PLOD2: variants seen among roughly 807,000 people sequenced by gnomAD.
The protein encoded by PLOD2 is procollagen-lysine,2-oxoglutarate 5-dioxygenase 2.
A neutral mutation model predicts 101.0 loss-of-function variants in PLOD2; 65 were observed. The ratio of observed to expected loss-of-function variants is 0.64; its 90% CI spans 0.53 to 0.79. PLOD2 has a LOEUF of 0.79. PLOD2 is among the 30% of genes least tolerant of loss of function. PLOD2 has a pLI of 0.00. For synonymous variants in PLOD2, 314 were observed against 302.9 expected (o/e 1.04, Z -0.38); for missense variants, 909 against 914.6 (o/e 0.99, Z 0.08).
intron 4 of PLOD2, 150 bp from the exon 5 acceptor site, chr3:146,106,794 T>C (rs547718891): frequency 1.5e-6 from 1 of 667,970 alleles, no homozygotes; most frequent in Non-Finnish European, 2.7e-6. Context: ...GAAAGAAATA[T>C]GAATTATTGA....
chr3:146,121,312 C>T, intron 2 of PLOD2, 64 bp from the exon 3 acceptor site: 1 of 1,367,268 alleles, frequency 7.3e-7, no homozygotes, highest in South Asian at 1.2e-5. Flanking sequence ...CTATGAAAAA[C>T]TTAAAGACAT....
In PLOD2 at chr3:146,080,864, A is replaced by G. The variant is rs553422542; in HGVS notation, c.1358+874T>C. On this transcript the variant is annotated intron_variant, in intron 12 of 19. Transcript: ENST00000282903. ...TAACAAAAACCTTTATTGTATTTAC[A>G]TCATTCAGATTGAAGCTTTCCACAC... is the stretch of plus-strand genomic sequence containing the variant. Among the ~76,000 whole-genome samples, 14 of 152,298 alleles carry G rather than the reference A, an allele frequency of 9.2e-5. No homozygotes were observed. In the South Asian group the frequency reaches 1.0e-3, roughly 11 times the overall value.
In PLOD2 at chr3:146,070,245, A is replaced by AATC. The variant is rs1440594009; in HGVS notation, c.*471_*472insGAT. On this transcript the variant is annotated 3_prime_UTR_variant, in exon 20 of 20. Transcript: ENST00000282903. ...TGCATAGGTGTTCAGAAAAATACTT[A>AATC]GTTGCATACAAATCCAGTTAGAATC... is the stretch of plus-strand genomic sequence containing the variant. The AATC allele has an allele frequency of 2.0e-5, 3 of 153,818 alleles. No individual in the cohort carries two copies. The highest frequency in any genetic ancestry group is 4.0e-4 in the South Asian group (2 of 4,948). The allele number at this position is 153,818 out of a possible 1,614,324, so 9.5% of individuals were successfully genotyped here.
At chr3:146,148,342 A>G (rs867800951) in intron 1 of PLOD2, among the ~76,000 whole-genome samples, 68 of 135,314 alleles carry the variant, frequency 5.0e-4, no homozygotes, top group South Asian at 1.2e-3. Flanking sequence ...AGGCACGCAC[A>G]CACACACACA....
At chr3:146,083,949 T>A (rs1338033075) in intron 11 of PLOD2, among the ~76,000 whole-genome samples, 1 of 151,950 alleles carries the variant, frequency 6.6e-6, no homozygotes, top group Non-Finnish European at 1.5e-5. Context: ...AAATACATAG[T>A]GTAAATTCAT....
intron 1 of PLOD2, among the ~76,000 whole-genome samples, chr3:146,144,015 C>CTG (rs1409183650): frequency 6.6e-6 from 1 of 152,040 alleles, no homozygotes; most frequent in Admixed American, 6.6e-5. Flanking sequence ...AGCGTTTATA[C>CTG]TGTGGTCCCC....
rs146716363 is a variant in PLOD2 at position 146,118,852 on chromosome 3, A to G, written c.338+2260T>C. On this transcript the variant is annotated intron_variant, in intron 3 of 19. Transcript: ENST00000282903. ...TCTTCTGTTTAACCAGAATCCATTAAGTTACCCGTCTCAATAGTAAAGCTC... is the reference window on the plus strand; with the variant it reads ...TCTTCTGTTTAACCAGAATCCATTAGGTTACCCGTCTCAATAGTAAAGCTC... Among the ~76,000 whole-genome samples the G allele has an allele frequency of 4.1e-3, 621 of 152,264 alleles. 8 individuals are homozygous for G. Among genetic ancestry groups the G allele is most frequent in the African/African-American group, 0.014 (600 of 41,562 alleles).
At chr3:146,130,645 T>A (rs1193678614) in intron 1 of PLOD2, among the ~76,000 whole-genome samples, 2 of 152,188 alleles carry the variant, frequency 1.3e-5, no homozygotes, top group African/African-American at 2.4e-5. Flanking sequence ...GTTAGCATAA[T>A]CATCTCAAAT....
At chr3:146,093,435 T>C (rs914978786) in intron 7 of PLOD2, among the ~76,000 whole-genome samples, 3 of 152,228 alleles carry the variant, frequency 2.0e-5, no homozygotes, top group African/African-American at 7.2e-5. Flanking sequence ...GTCATTTTAA[T>C]GTGTCTTGAT....
intron 1 of PLOD2, among the ~76,000 whole-genome samples, chr3:146,145,704 C>T (rs1208940804): frequency 2.0e-5 from 3 of 152,102 alleles, no homozygotes; most frequent in Non-Finnish European, 4.4e-5. Flanking sequence ...CTTTTGTTAT[C>T]ATGAATTTTT....
chr3:146,088,346 G>A (rs185929285), intron 9 of PLOD2, among the ~76,000 whole-genome samples: 5 of 151,592 alleles, frequency 3.3e-5, no homozygotes, highest in African/African-American at 1.2e-4. Context: ...TATGATGATG[G>A]CTAATATTCA....
intron 10 of PLOD2, chr3:146,085,835 G>T (rs949169574): frequency 5.9e-5 from 9 of 152,656 alleles, no homozygotes; most frequent in Admixed American, 5.9e-4. Context: ...TGACATTTGG[G>T]TTATCAACTT....
chr3:146,135,023 T>G (rs1481695439), intron 1 of PLOD2, among the ~76,000 whole-genome samples: 1 of 152,222 alleles, frequency 6.6e-6, no homozygotes, highest in Non-Finnish European at 1.5e-5. Flanking sequence ...GTCATAACTT[T>G]CATTTACCAT....
At chr3:146,135,956 T>C (rs565130366) in intron 1 of PLOD2, among the ~76,000 whole-genome samples, 1 of 152,142 alleles carries the variant, frequency 6.6e-6, no homozygotes, top group Non-Finnish European at 1.5e-5. Context: ...ATTTCTTACA[T>C]GTAAGATTGT....
chr3:146,104,386 A>G, intron 5 of PLOD2, 44 bp from the exon 6 acceptor site: 1 of 937,318 alleles, frequency 1.1e-6, no homozygotes, highest in Non-Finnish European at 1.8e-6. Context: ...GACAACAAAA[A>G]CAGCAAACAT....
intron 7 of PLOD2, among the ~76,000 whole-genome samples, chr3:146,092,924 A>G (rs889674544): frequency 6.6e-6 from 1 of 152,162 alleles, no homozygotes; most frequent in Non-Finnish European, 1.5e-5. Context: ...TCCACAAACT[A>G]TAATTTTGCC....
chr3:146,151,504 A>C (rs1005627216), intron 1 of PLOD2, among the ~76,000 whole-genome samples: 14 of 152,168 alleles, frequency 9.2e-5, no homozygotes, highest in African/African-American at 3.4e-4. Context: ...TTTCAAAAAA[A>C]AAAAAGTCAA....
chr3:146,076,847 A>G lies in PLOD2; in HGVS notation c.1612T>C (p.Ser538Pro). 6.3e-7 allele frequency: 1 copy of G among 1,592,002 alleles called. No homozygotes were observed. Among genetic ancestry groups the G allele is most frequent in the Non-Finnish European group, 8.6e-7 (1 of 1,161,348 alleles). The change falls in exon 15 of 20, where the codon TCC becomes CCC. Residue 538 changes from serine to proline, a missense_variant. By Grantham distance (74) the Ser-to-Pro change is moderately conservative. Transcript: ENST00000282903. ...TGGGAAGTATTGTAATTAGCAGTGG[A>G]TAATAGCCTTCCAAATTCATGTCTA... ...SNRHEFGRLL[S>P]TANYNTSHYN...
At chr3:146,150,938 C>T (rs1197423199) in intron 1 of PLOD2, among the ~76,000 whole-genome samples, 2 of 152,096 alleles carry the variant, frequency 1.3e-5, no homozygotes, top group African/African-American at 4.8e-5. Flanking sequence ...CACTTGGAAC[C>T]TTTTTAAATG....
Sources: gnomAD v4.1 joint callset for allele counts (sites outside exome capture counted in the v4.1 genomes callset) on GRCh38, gnomAD v4.1.1 for gene constraint, MANE v1.5 for transcripts, NCBI Gene and HGNC (gene_info 2026-07-23, HGNC 2026-07-21) for gene names.